The following XPO1 variants were observed in gnomAD, a reference collection of about 807,000 sequenced individuals.
The protein encoded by XPO1 is exportin-1.
Under a neutral mutation model 133.3 loss-of-function variants are expected in XPO1, and 5 were observed. The observed-to-expected ratio is 0.04, with a 90% CI of 0.02 to 0.08. XPO1 has a LOEUF of 0.08. Ranked by LOEUF, XPO1 falls within the 10% of genes least tolerant of loss-of-function variation. The probability of loss-of-function intolerance (pLI) is 1.00; values close to 1 mark genes in which losing one functional copy is unlikely to be tolerated. For missense variants in XPO1, 506 were observed against 1,267.5 expected, an observed-to-expected ratio of 0.40 and a Z score of 9.12; for synonymous variants, 419 against 408.2, an observed-to-expected ratio of 1.03 and a Z score of -0.32.
In XPO1 at chr2:61,531,953, G is replaced by A. The variant is rs900233003; in HGVS notation, c.126+1819C>T. On this transcript the variant is annotated intron_variant, in intron 2 of 24. Coordinates refer to ENST00000401558, the MANE Select transcript of XPO1 (RefSeq NM_003400.4). ...TTTTTCTACTTTTAGCGTTTCCATG[G>A]ACCTTTTTCAAGTTTCTACTATAGT... Among the ~76,000 whole-genome samples, 3 of 152,044 alleles carry A rather than the reference G, an allele frequency of 2.0e-5. No individual in the cohort carries two copies. In the East Asian group the frequency reaches 5.8e-4, roughly 29 times the overall value.
intron 4 of XPO1, among the ~76,000 whole-genome samples, chr2:61,515,847 G>A (rs1056450897): frequency 1.3e-5 from 2 of 151,332 alleles, no homozygotes; most frequent in African/African-American, 4.9e-5. Context: ...ACTTTGGGAG[G>A]CCGAGGAGGG....
intron 4 of XPO1, among the ~76,000 whole-genome samples, chr2:61,521,149 A>C (rs1431023461): frequency 3.3e-5 from 5 of 152,218 alleles, no homozygotes; most frequent in Non-Finnish European, 5.9e-5. Flanking sequence ...TCTATGATTT[A>C]TGATGTATTA....
intron 2 of XPO1, among the ~76,000 whole-genome samples, chr2:61,527,459 G>C (rs188918970): frequency 6.6e-6 from 1 of 152,076 alleles, no homozygotes; most frequent in East Asian, 1.9e-4. Flanking sequence ...CTACACTTCA[G>C]CCTGGGTGAA....
rs574510611 is a variant in XPO1, at chr2:61,479,230, A to G, written c.3070-264T>C. ...GCCTGTAATCCCAACTTTGGGAGGC[A>G]GAGACGGGAAGAATACTTGATGTCA... is the stretch of plus-strand genomic sequence containing the variant. On this transcript the variant is annotated intron_variant, in intron 24 of 24. Coordinates refer to ENST00000401558, the MANE Select transcript of XPO1 (RefSeq NM_003400.4). 3.9e-5 allele frequency among the ~76,000 whole-genome samples: 6 copies of G among 152,244 alleles called. 1 individual carries two copies. The South Asian group carries it at 1.2e-3, about 32-fold the overall frequency.
chr2:61,533,898 A>C lies in XPO1; in HGVS notation c.-1T>G. On this transcript the variant is annotated 5_prime_UTR_variant, in exon 2 of 25. Transcript: ENST00000401558. Reference sequence around the variant, plus strand: ...CTAACATTGTCATAATTGCTGGCATAGATTACTGAAAATAAAGAAAAAAAA... The same window carrying C: ...CTAACATTGTCATAATTGCTGGCATCGATTACTGAAAATAAAGAAAAAAAA... 1 of 1,534,206 alleles carries C rather than the reference A, an allele frequency of 6.5e-7. No individual in the cohort carries two copies. The highest frequency in any genetic ancestry group is 8.7e-7 in the Non-Finnish European group (1 of 1,143,544).
rs1371788548 is a variant in XPO1, at chr2:61,517,167, C to G, written c.301+5444G>C. ...CTGCCCACCTCAGCCTCCCAAAGTG[C>G]TGGGATTACAGGTGTAAGCCACCAC... On this transcript the variant is annotated intron_variant, in intron 4 of 24. Coordinates refer to ENST00000401558, the MANE Select transcript of XPO1 (RefSeq NM_003400.4). 3.9e-5 allele frequency among the ~76,000 whole-genome samples: 6 copies of G among 152,270 alleles called. No individual in the cohort carries two copies. The East Asian group carries it at 1.2e-3, about 29-fold the overall frequency.
chr2:61,528,879 G>GT (rs1269782663), intron 2 of XPO1, among the ~76,000 whole-genome samples: 1 of 150,466 alleles, frequency 6.6e-6, no homozygotes, highest in East Asian at 1.9e-4. Context: ...TTTCACTTTT[G>GT]TATCTTTAAA....
rs574067590 is a variant in XPO1 at position 61,511,696 on chromosome 2, G to C, written c.302-9386C>G. ...TTGCAGGCCTCAATCACTGTGCCTG[G>C]CCTGCCTTGTTTTTTTTAGAAATGA... On this transcript the variant is annotated intron_variant, in intron 4 of 24. Transcript: ENST00000401558. Among the ~76,000 whole-genome samples the C allele has an allele frequency of 4.6e-5, 7 of 152,246 alleles. No individual in the cohort carries two copies. In the East Asian group the frequency reaches 1.2e-3, roughly 25 times the overall value.
chr2:61,524,922 ATTTT>A (rs1263399294), intron 3 of XPO1, among the ~76,000 whole-genome samples: 4 of 151,702 alleles, frequency 2.6e-5, no homozygotes, highest in Admixed American at 2.0e-4. Context: ...TCTTCAAAGA[ATTTT>A]TTTTCTTTTT....
At chr2:61,487,380 A>G (rs1336598321) in intron 19 of XPO1, among the ~76,000 whole-genome samples, 3 of 152,226 alleles carry the variant, frequency 2.0e-5, no homozygotes, top group Non-Finnish European at 4.4e-5. Context: ...TTCTGTTCAC[A>G]TAATACGCAT....
At chr2:61,526,684 A>T (rs1698916041) in intron 2 of XPO1, among the ~76,000 whole-genome samples, 163 bp from the exon 3 acceptor site, 1 of 151,300 alleles carries the variant, frequency 6.6e-6, no homozygotes, top group Non-Finnish European at 1.5e-5. Context: ...ATAGAAATAA[A>T]ATTATATAAA....
In XPO1 at chr2:61,493,972, A is replaced by G. The variant is rs1697119353; in HGVS notation, c.1167T>C (p.Ser389=). Residue 389 remains serine (S), a synonymous_variant, in exon 12 of 25, where the codon TCT becomes TCC. Transcript: ENST00000401558. ...GACTTCCAGAAAGCAACGGAGAGGC[A>G]GATGTAGAGAATGGACTCTCTCTAT... ...ELYRESPFST[S]ASPLLSGSQH... The G allele has an allele frequency of 6.2e-7, 1 of 1,614,008 alleles. No homozygotes were observed. Among genetic ancestry groups the G allele is most frequent in the South Asian group, 1.1e-5 (1 of 91,086 alleles).
rs560908778 is a variant in XPO1 at position 61,484,390 on chromosome 2, T to G, written c.2509-285A>C. The stretch of plus-strand genomic sequence containing the variant: ...TTACCATAAGACTACTACTATCACT[T>G]TTGTTTTTAATTTGAAATCACCACT... On this transcript the variant is annotated intron_variant, in intron 20 of 24. Coordinates refer to ENST00000401558, the MANE Select transcript of XPO1 (RefSeq NM_003400.4). The G allele has an allele frequency of 1.8e-3, 545 of 298,982 alleles. 2 individuals are homozygous for G. The highest frequency in any genetic ancestry group is 2.9e-3 in the Non-Finnish European group (470 of 161,772). The allele number at this position is 298,982 out of a possible 1,614,324, so 18.5% of individuals were successfully genotyped here. A position where few individuals can be genotyped will look rare whatever the true frequency, so the allele number is the denominator to read the frequency against.
intron 2 of XPO1, among the ~76,000 whole-genome samples, chr2:61,530,842 T>C (rs902667371): frequency 4.0e-5 from 6 of 151,660 alleles, no homozygotes; most frequent in Admixed American, 6.6e-5. Context: ...AAAAAAAAAA[T>C]TTTTTTAATT....
intron 23 of XPO1, among the ~76,000 whole-genome samples, chr2:61,481,784 T>A (rs540670404): frequency 3.8e-4 from 58 of 151,660 alleles, no homozygotes; most frequent in Non-Finnish European, 5.0e-4. Flanking sequence ...TCACCCACAC[T>A]GGAGTGCAGT....
At chr2:61,496,674 A>C (rs1172389948) in intron 10 of XPO1, among the ~76,000 whole-genome samples, 1 of 152,210 alleles carries the variant, frequency 6.6e-6, no homozygotes, top group Non-Finnish European at 1.5e-5. Flanking sequence ...GTGCAGAAAT[A>C]AATTACCACA....
chr2:61,515,631 T>C (rs557726559), intron 4 of XPO1, among the ~76,000 whole-genome samples: 3 of 152,204 alleles, frequency 2.0e-5, no homozygotes, highest in African/African-American at 7.2e-5. Flanking sequence ...AAATATGAGG[T>C]CAAATAATGT....
chr2:61,508,802 T>C lies in XPO1; in HGVS notation c.302-6492A>G, dbSNP rs78289995. ...TAGAGTTGTACATCAGCATCTTACA[T>C]AGTCAGTGATAGTCATGCAGTAAAC... On this transcript the variant is annotated intron_variant, in intron 4 of 24. Coordinates refer to ENST00000401558, the MANE Select transcript of XPO1 (RefSeq NM_003400.4). 8.9e-3 allele frequency among the ~76,000 whole-genome samples: 1,351 copies of C among 152,328 alleles called. 19 individuals are homozygous for C. The highest frequency in any genetic ancestry group is 0.029 in the African/African-American group (1,213 of 41,568).
rs139948924 is a variant in XPO1 at position 61,494,483 on chromosome 2, A to G, written c.1048-392T>C. The G allele has an allele frequency of 2.4e-3, 420 of 175,940 alleles. 1 individual carries two copies. The highest frequency in any genetic ancestry group is 9.4e-3 in the African/African-American group (393 of 41,722). 10.9% of individuals were successfully genotyped at this position (175,940 alleles called of 1,614,324 possible). ...ACATGATAAAAAGTGAGGTATTGAT[A>G]CAGGTTACAACATGGAAGAACATTG... On this transcript the variant is annotated intron_variant, in intron 11 of 24. Transcript: ENST00000401558.
Sources: allele counts gnomAD v4.1 joint callset (sites outside exome capture counted in the v4.1 genomes callset), GRCh38; gene constraint gnomAD v4.1.1; transcripts MANE v1.5; gene names NCBI Gene and HGNC (gene_info 2026-07-23, HGNC 2026-07-21).